Variants in DTNB observed in about 807,000 individuals in gnomAD.
DTNB encodes the protein dystrobrevin beta.
Under a neutral mutation model 90.7 loss-of-function variants are expected in DTNB, and 63 were observed. That is an observed-to-expected ratio of 0.69 (90% confidence interval 0.57 to 0.86). The LOEUF (loss-of-function observed/expected upper bound fraction) is 0.86. Among genes scored for constraint, DTNB ranks in the 40% least tolerant of loss-of-function variants. DTNB has a pLI of 0.00. For missense variants in DTNB, 744 were observed against 807.1 expected (o/e 0.92, Z 0.95); for synonymous variants, 277 against 286.7 (o/e 0.97, Z 0.34).
intron 9 of DTNB, among the ~76,000 whole-genome samples, chr2:25,501,097 C>T (rs1215992438): frequency 2.6e-5 from 4 of 152,130 alleles, no homozygotes; most frequent in Non-Finnish European, 5.9e-5. Flanking sequence ...CAATTAGAGG[C>T]TTTAAAAATG....
At chr2:25,433,582 A>T (rs2054673222) in intron 13 of DTNB, among the ~76,000 whole-genome samples, 1 of 152,062 alleles carries the variant, frequency 6.6e-6, no homozygotes, top group African/African-American at 2.4e-5. Flanking sequence ...GGTCAGGACA[A>T]GATGACTAGA....
chr2:25,534,530 G>A (rs1436541270), intron 8 of DTNB, among the ~76,000 whole-genome samples: 1 of 152,110 alleles, frequency 6.6e-6, no homozygotes, highest in Non-Finnish European at 1.5e-5. Context: ...CGGAGCTGCT[G>A]GGTACACTTC....
chr2:25,672,293 G>C (rs1042672900), intron 1 of DTNB, among the ~76,000 whole-genome samples: 2 of 144,748 alleles, frequency 1.4e-5, no homozygotes, highest in Non-Finnish European at 3.0e-5. Flanking sequence ...CCTAACACTA[G>C]AGTGACTGAC....
intron 9 of DTNB, among the ~76,000 whole-genome samples, chr2:25,515,645 T>C (rs150658357): frequency 2.6e-5 from 4 of 152,148 alleles, no homozygotes; most frequent in Admixed American, 6.5e-5. Flanking sequence ...TAGAGTGCAA[T>C]GGCGCAATCT....
At chr2:25,541,649 C>T (rs1335209613) in intron 8 of DTNB, among the ~76,000 whole-genome samples, 3 of 152,126 alleles carry the variant, frequency 2.0e-5, no homozygotes, top group Admixed American at 2.0e-4. Context: ...CCCTCCAGCC[C>T]CTGAAAACTG....
chr2:25,613,848 C>T (rs960754018), intron 4 of DTNB, among the ~76,000 whole-genome samples: 2 of 152,136 alleles, frequency 1.3e-5, no homozygotes, highest in Non-Finnish European at 2.9e-5. Flanking sequence ...ATCCCGGCTA[C>T]TCAGGAGGCT....
intron 3 of DTNB, among the ~76,000 whole-genome samples, chr2:25,630,536 G>A (rs2075428036): frequency 1.3e-5 from 2 of 152,016 alleles, no homozygotes; most frequent in Non-Finnish European, 1.5e-5. Flanking sequence ...AATACTATTT[G>A]ACCAAAAAAA....
At chr2:25,598,469 C>CT (rs2065111056) in intron 5 of DTNB, among the ~76,000 whole-genome samples, 1 of 152,148 alleles carries the variant, frequency 6.6e-6, no homozygotes, top group Non-Finnish European at 1.5e-5. Context: ...GCAACAAACT[C>CT]TAACACTAAG....
At chr2:25,499,513 C>T (rs945339465) in intron 9 of DTNB, among the ~76,000 whole-genome samples, 2 of 152,184 alleles carry the variant, frequency 1.3e-5, no homozygotes, top group Admixed American at 1.3e-4. Context: ...ATAAGGGTAG[C>T]TCCACTTCTA....
chr2:25,387,202 A>AG lies in DTNB; in HGVS notation c.1825+86dup. The AG allele has an allele frequency of 7.7e-7, 1 of 1,301,568 alleles. No homozygotes were observed. The highest frequency in any genetic ancestry group is 1.3e-5 in the South Asian group (1 of 75,980). The allele number at this position is 1,301,568 out of a possible 1,614,324, so 80.6% of individuals were successfully genotyped here. ...ATGGGGTGGTGCAAGCTGGGTGGTG[A>AG]GGTTCTGCCGGTGCTGGCAAGGAAG... On this transcript the variant is annotated intron_variant, in intron 18 of 20. Transcript: ENST00000406818. This position sits in a 1 kb window ranked among gnomAD's most constrained non-coding sequence, Gnocchi z 4.5.
intron 12 of DTNB, among the ~76,000 whole-genome samples, chr2:25,434,512 AC>A (rs2055038970): frequency 6.9e-6 from 1 of 145,642 alleles, no homozygotes; most frequent in Non-Finnish European, 1.5e-5. Flanking sequence ...CTGGGCTCTC[AC>A]CTTGGCCTCT....
intron 6 of DTNB, among the ~76,000 whole-genome samples, chr2:25,589,512 C>T (rs2063150023): frequency 6.6e-6 from 1 of 150,726 alleles, no homozygotes; most frequent in Admixed American, 6.7e-5. Flanking sequence ...TCCTGAGTAG[C>T]TGGGACTACA....
intron 10 of DTNB, among the ~76,000 whole-genome samples, chr2:25,472,041 A>T (rs1005842096): frequency 2.0e-5 from 3 of 152,202 alleles, no homozygotes; most frequent in Non-Finnish European, 2.9e-5. Context: ...TAACTGAAAA[A>T]GAAAATCCCT....
chr2:25,513,553 T>G (rs1290818227), intron 9 of DTNB, among the ~76,000 whole-genome samples: 1 of 151,946 alleles, frequency 6.6e-6, no homozygotes, highest in East Asian at 1.9e-4. Flanking sequence ...AAACCCCGTC[T>G]CTACTAAAAA....
At chr2:25,502,731 A>C (rs1259876285) in intron 9 of DTNB, among the ~76,000 whole-genome samples, 1 of 151,508 alleles carries the variant, frequency 6.6e-6, no homozygotes, top group Non-Finnish European at 1.5e-5. Flanking sequence ...AGAAAAACCC[A>C]AAAAATTAGC....
chr2:25,579,799 T>C (rs2061280001), intron 7 of DTNB, among the ~76,000 whole-genome samples: 1 of 152,098 alleles, frequency 6.6e-6, no homozygotes, highest in Non-Finnish European at 1.5e-5. Flanking sequence ...GTTTTAGCAG[T>C]TGATATAGCA....
chr2:25,515,572 C>T (rs1331529731), intron 9 of DTNB, among the ~76,000 whole-genome samples: 1 of 150,058 alleles, frequency 6.7e-6, no homozygotes, highest in Non-Finnish European at 1.5e-5. Context: ...GATATCCATG[C>T]ATTTATTTAT....
chr2:25,613,329 G>A (rs1192578063), intron 4 of DTNB, among the ~76,000 whole-genome samples: 1 of 152,122 alleles, frequency 6.6e-6, no homozygotes, highest in Non-Finnish European at 1.5e-5. Flanking sequence ...TTTGGGGTAT[G>A]AATAATCCTA....
intron 9 of DTNB, among the ~76,000 whole-genome samples, chr2:25,508,715 G>C (rs1045910189): frequency 2.6e-5 from 4 of 151,890 alleles, no homozygotes; most frequent in Admixed American, 2.0e-4. Flanking sequence ...TTTATTTTTA[G>C]TAGAGACAGG....
Sources: allele counts gnomAD v4.1 joint callset (sites outside exome capture counted in the v4.1 genomes callset), GRCh38; gene constraint gnomAD v4.1.1; non-coding constraint Gnocchi (gnomAD v3.1); transcripts MANE v1.5; gene names NCBI Gene and HGNC (gene_info 2026-07-23, HGNC 2026-07-21).